Variants in THEMIS observed in about 807,000 individuals in gnomAD.
THEMIS encodes the protein thymocyte selection associated.
THEMIS carries 37 observed loss-of-function variants against 52.6 expected under a neutral mutation model. The observed-to-expected ratio is 0.70, with a 90% CI of 0.54 to 0.93. The LOEUF is 0.93. THEMIS is among the 40% of genes least tolerant of loss of function. The pLI is 0.00. For missense variants in THEMIS, 808 were observed against 763.1 expected, an observed-to-expected ratio of 1.06 and a Z score of -0.69; for synonymous variants, 292 against 272.7, an observed-to-expected ratio of 1.07 and a Z score of -0.70.
At chr6:127,807,650 G>T in intron 4 of THEMIS, among the ~76,000 whole-genome samples, 1 of 152,170 alleles carries the variant, frequency 6.6e-6, no homozygotes, top group East Asian at 1.9e-4. Flanking sequence ...CCTACCATGA[G>T]TAGAAAGGTG....
chr6:127,802,230 G>C (rs1777560021), intron 4 of THEMIS, among the ~76,000 whole-genome samples: 1 of 152,186 alleles, frequency 6.6e-6, no homozygotes, highest in African/African-American at 2.4e-5. Context: ...ACTCATCCCA[G>C]CTGGGAGGGT....
intron 1 of THEMIS, among the ~76,000 whole-genome samples, chr6:127,863,325 C>G (rs908268114): frequency 1.3e-5 from 2 of 152,132 alleles, no homozygotes; most frequent in Non-Finnish European, 2.9e-5. Context: ...GTATCTGTAT[C>G]AAGCAGGTGT....
intron 2 of THEMIS, among the ~76,000 whole-genome samples, chr6:127,849,037 T>C (rs563427963): frequency 6.6e-6 from 1 of 152,286 alleles, no homozygotes; most frequent in South Asian, 2.1e-4. Flanking sequence ...TAGGTTTTCT[T>C]CTAGGGTTTT....
At chr6:127,744,036 T>C (rs746746040) in intron 4 of THEMIS, among the ~76,000 whole-genome samples, 3 of 152,126 alleles carry the variant, frequency 2.0e-5, no homozygotes, top group Non-Finnish European at 2.9e-5. Context: ...TTTCAACATC[T>C]GGTATCAGGT....
chr6:127,732,010 T>A (rs1774826084), intron 4 of THEMIS, among the ~76,000 whole-genome samples: 2 of 150,774 alleles, frequency 1.3e-5, no homozygotes, highest in African/African-American at 4.9e-5. Flanking sequence ...CTGGCCATTT[T>A]TTTTTTTAAC....
intron 4 of THEMIS, among the ~76,000 whole-genome samples, chr6:127,759,765 T>TCTTC (rs1562239883): frequency 6.6e-6 from 1 of 151,852 alleles, no homozygotes; most frequent in Non-Finnish European, 1.5e-5. Flanking sequence ...TTTTCTTCTT[T>TCTTC]CTTCCTTCTT....
At chr6:127,707,647 G>C (rs1011562398), downstream of THEMIS, among the ~76,000 whole-genome samples, 3 of 152,086 alleles carry the variant, frequency 2.0e-5, no homozygotes, top group Non-Finnish European at 2.9e-5. Flanking sequence ...TTCATTTTTA[G>C]TAGTCCAGCC....
At chr6:127,815,934 T>G (rs938298435) in intron 3 of THEMIS, among the ~76,000 whole-genome samples, 6 of 152,178 alleles carry the variant, frequency 3.9e-5, no homozygotes, top group Non-Finnish European at 8.8e-5. Context: ...TGCTGTGGGC[T>G]GGGAATAGCT....
chr6:127,795,665 G>A (rs1777307655), intron 4 of THEMIS, among the ~76,000 whole-genome samples: 1 of 152,090 alleles, frequency 6.6e-6, no homozygotes, highest in South Asian at 2.1e-4. Flanking sequence ...GTGTTTTACA[G>A]GCTCATTTGA....
intron 1 of THEMIS, among the ~76,000 whole-genome samples, chr6:127,888,442 T>G (rs270021): frequency 0.54 from 81,310 of 151,696 alleles, 22,725 homozygotes; most frequent in East Asian, 0.79. Context: ...TGTGGGAAAT[T>G]ATGGGGTTCC....
intron 4 of THEMIS, among the ~76,000 whole-genome samples, chr6:127,811,271 C>T (rs549678287): frequency 4.6e-5 from 7 of 152,244 alleles, no homozygotes; most frequent in Middle Eastern, 3.4e-3. Flanking sequence ...TAGTAGCTGA[C>T]GTGGGTCCCA....
intron 1 of THEMIS, among the ~76,000 whole-genome samples, chr6:127,892,042 G>C (rs1027008743): frequency 6.6e-6 from 1 of 152,078 alleles, no homozygotes. Flanking sequence ...CATTTCTTCA[G>C]AGTGGCCTTC....
chr6:127,774,747 CCCAAATCTCATCA>C (rs1168466167), intron 4 of THEMIS, among the ~76,000 whole-genome samples: 1 of 152,098 alleles, frequency 6.6e-6, no homozygotes, highest in Non-Finnish European at 1.5e-5. Context: ...TGCCTAAACC[CCCAAATCTCATCA>C]CCATCAGTAT....
At chr6:127,739,279 T>C (rs976764949) in intron 4 of THEMIS, among the ~76,000 whole-genome samples, 1 of 152,078 alleles carries the variant, frequency 6.6e-6, no homozygotes, top group Non-Finnish European at 1.5e-5. Flanking sequence ...AAAAAATGAA[T>C]TTCAATTCCA....
chr6:127,798,806 C>T (rs866752339), intron 4 of THEMIS, among the ~76,000 whole-genome samples: 7 of 151,632 alleles, frequency 4.6e-5, no homozygotes, highest in Admixed American at 1.3e-4. Flanking sequence ...CTGGCTAAAA[C>T]GGTGAAACCC....
intron 4 of THEMIS, among the ~76,000 whole-genome samples, chr6:127,766,796 G>A (rs149434582): frequency 1.4e-3 from 211 of 152,148 alleles, no homozygotes; most frequent in African/African-American, 4.7e-3. Flanking sequence ...TCAATATAAG[G>A]CACTTACTAT....
intron 4 of THEMIS, among the ~76,000 whole-genome samples, chr6:127,729,193 TCTCTCTC>T (rs1774664742): frequency 1.4e-5 from 1 of 73,964 alleles, no homozygotes; most frequent in African/African-American, 4.3e-5. Flanking sequence ...TCTCTCTCTC[TCTCTCTC>T]TCTTCACTCA....
intron 4 of THEMIS, among the ~76,000 whole-genome samples, chr6:127,723,284 C>T (rs1278392506): frequency 2.6e-5 from 4 of 151,988 alleles, no homozygotes; most frequent in African/African-American, 7.2e-5. Flanking sequence ...GTTTTACCTG[C>T]CAGACTTCAA....
chr6:127,744,398 T>A (rs2114294843), intron 4 of THEMIS, among the ~76,000 whole-genome samples: 1 of 152,182 alleles, frequency 6.6e-6, no homozygotes, highest in Non-Finnish European at 1.5e-5. Context: ...TGCAGCATTA[T>A]TCACAATAGT....
Sources: allele counts gnomAD v4.1 joint callset (sites outside exome capture counted in the v4.1 genomes callset), GRCh38; gene constraint gnomAD v4.1.1; transcripts MANE v1.5; gene names NCBI Gene and HGNC (gene_info 2026-07-23, HGNC 2026-07-21).